CFAP221: variants seen among roughly 807,000 people sequenced by gnomAD.
CFAP221 encodes cilia- and flagella-associated protein 221.
In CFAP221, 97 loss-of-function variants were observed where a neutral mutation model predicts 113.1. The observed-to-expected ratio is 0.86, with a 90% CI of 0.73 to 1.02. CFAP221 has a LOEUF of 1.02. Ranked by LOEUF, CFAP221 falls within the 50% of genes least tolerant of loss-of-function variation. CFAP221 has a pLI of 0.00. For missense variants in CFAP221, 1,025 were observed against 1,013.4 expected (o/e 1.01, Z -0.16); for synonymous variants, 331 against 354.4 (o/e 0.93, Z 0.74).
chr2:119,553,569 A>G (rs2105022437), intron 3 of CFAP221, among the ~76,000 whole-genome samples: 1 of 152,330 alleles, frequency 6.6e-6, no homozygotes, highest in Admixed American at 6.5e-5. Context: ...AATGAGAGAA[A>G]CTAAATACTA....
intron 14 of CFAP221, among the ~76,000 whole-genome samples, chr2:119,616,283 C>T (rs1685522649): frequency 6.6e-6 from 1 of 152,208 alleles, no homozygotes; most frequent in South Asian, 2.1e-4. Flanking sequence ...ATCAATACTT[C>T]ATTCTTTTTA....
chr2:119,627,462 A>C (rs1297412145), intron 15 of CFAP221, among the ~76,000 whole-genome samples, 191 bp from the exon 16 acceptor site: 1 of 151,872 alleles, frequency 6.6e-6, no homozygotes, highest in Non-Finnish European at 1.5e-5. Context: ...ATAAAGATAA[A>C]ATTTTTTTAA....
chr2:119,563,720 G>A (rs1681424467), intron 6 of CFAP221, among the ~76,000 whole-genome samples: 2 of 152,218 alleles, frequency 1.3e-5, no homozygotes, highest in South Asian at 4.1e-4. Flanking sequence ...GTGAAAAGAA[G>A]ACTAAATAAA....
At chr2:119,624,079 G>A (rs1488972797) in intron 14 of CFAP221, among the ~76,000 whole-genome samples, 1 of 152,108 alleles carries the variant, frequency 6.6e-6, no homozygotes, top group Non-Finnish European at 1.5e-5. Flanking sequence ...AGAGTGAACA[G>A]GCAACCTATA....
downstream of CFAP221, among the ~76,000 whole-genome samples, chr2:119,658,538 A>G (rs1439287877): frequency 2.0e-5 from 3 of 151,994 alleles, no homozygotes; most frequent in Admixed American, 6.6e-5. Context: ...ACTTGTTGCT[A>G]CTGTGGTCCA....
At chr2:119,657,010 G>A (rs767049635), downstream of CFAP221, among the ~76,000 whole-genome samples, 1 of 152,092 alleles carries the variant, frequency 6.6e-6, no homozygotes, top group Non-Finnish European at 1.5e-5. Context: ...GCATCCTCCT[G>A]GGAACTCACA....
At chr2:119,625,960 T>C (rs1686279982) in intron 15 of CFAP221, among the ~76,000 whole-genome samples, 1 of 152,124 alleles carries the variant, frequency 6.6e-6, no homozygotes, top group African/African-American at 2.4e-5. Flanking sequence ...TTAAACTTAA[T>C]GGCTTAAAAG....
intron 1 of CFAP221, 44 bp from the exon 2 acceptor site, chr2:119,546,041 G>A (rs1269098383): frequency 3.8e-6 from 5 of 1,328,928 alleles, no homozygotes; most frequent in Non-Finnish European, 5.0e-6. Flanking sequence ...AAAAATGTGC[G>A]TGGTTTCTCA....
chr2:119,553,427 AAGC>A (rs780843090), intron 3 of CFAP221, among the ~76,000 whole-genome samples: 3 of 152,208 alleles, frequency 2.0e-5, no homozygotes, highest in Non-Finnish European at 2.9e-5. Context: ...GTGATTCAGA[AAGC>A]AGCAGGAAGT....
intron 19 of CFAP221, among the ~76,000 whole-genome samples, chr2:119,634,386 G>A (rs957377784): frequency 3.9e-5 from 6 of 152,146 alleles, no homozygotes; most frequent in Non-Finnish European, 7.4e-5. Context: ...AGGATCATTC[G>A]AGCCCAGGAG....
chr2:119,570,718 T>G (rs1208046474), intron 6 of CFAP221, among the ~76,000 whole-genome samples: 1 of 152,226 alleles, frequency 6.6e-6, no homozygotes, highest in East Asian at 1.9e-4. Flanking sequence ...TACTTCATTC[T>G]TTTTCATTGC....
intron 3 of CFAP221, among the ~76,000 whole-genome samples, chr2:119,558,779 GC>G (rs1286010377): frequency 6.6e-6 from 1 of 152,086 alleles, no homozygotes; most frequent in African/African-American, 2.4e-5. Flanking sequence ...CTATGATTGT[GC>G]CACTGCACTG....
intron 23 of CFAP221, 101 bp from the exon 24 acceptor site, chr2:119,656,261 G>A (rs1267129300): frequency 1.5e-5 from 13 of 846,040 alleles, no homozygotes; most frequent in East Asian, 1.0e-4. Context: ...TATATTAAAC[G>A]AAATGCTCCT....
chr2:119,545,982 A>T, intron 1 of CFAP221, 103 bp from the exon 2 acceptor site: 2 of 817,714 alleles, frequency 2.4e-6, no homozygotes, highest in Non-Finnish European at 3.7e-6. Flanking sequence ...GGAGGGCATG[A>T]ACCACAGTAA....
At chr2:119,653,237 T>G (rs1172371803) in intron 23 of CFAP221, among the ~76,000 whole-genome samples, 2 of 151,380 alleles carry the variant, frequency 1.3e-5, no homozygotes, top group African/African-American at 4.9e-5. Context: ...AAAAATTAGC[T>G]GGGCGTGGTG....
chr2:119,648,849 G>T (rs929974248), intron 22 of CFAP221, among the ~76,000 whole-genome samples: 6 of 152,178 alleles, frequency 3.9e-5, no homozygotes. Context: ...TTTACCAAAA[G>T]CCAGATGCTC....
At chr2:119,659,009 GAA>G (rs70949304), downstream of CFAP221, among the ~76,000 whole-genome samples, 27,733 of 143,712 alleles carry the variant, frequency 0.19, 2,822 homozygotes, top group African/African-American at 0.26. Flanking sequence ...AAAAGAAAAA[GAA>G]AAAAAAAAAA....
intron 3 of CFAP221, among the ~76,000 whole-genome samples, chr2:119,558,375 G>A (rs1680975301): frequency 1.3e-5 from 2 of 152,212 alleles, no homozygotes; most frequent in South Asian, 4.1e-4. Flanking sequence ...CTGCCCATGT[G>A]CAGGGCCCCT....
chr2:119,611,355 G>A (rs979872773), intron 12 of CFAP221, among the ~76,000 whole-genome samples: 1 of 147,638 alleles, frequency 6.8e-6, no homozygotes, highest in Admixed American at 6.9e-5. Context: ...CCCGGGAGGC[G>A]GAGCTTGCAG....
Sources: gnomAD v4.1 joint callset for allele counts (sites outside exome capture counted in the v4.1 genomes callset) on GRCh38, gnomAD v4.1.1 for gene constraint, MANE v1.5 for transcripts, NCBI Gene and HGNC (gene_info 2026-07-23, HGNC 2026-07-21) for gene names.